TBC1D32: variants seen among roughly 807,000 people sequenced by gnomAD.
The protein encoded by TBC1D32 is TBC1 domain family member 32.
A neutral mutation model predicts 170.3 loss-of-function variants in TBC1D32; 151 were observed. That is an observed-to-expected ratio of 0.89 (90% CI 0.78 to 1.01). The LOEUF (loss-of-function observed/expected upper bound fraction) is 1.01, where lower values mean the gene tolerates loss of function less well. Ranked by LOEUF, TBC1D32 falls within the 50% of genes least tolerant of loss-of-function variation. The pLI is 0.00. For missense variants in TBC1D32, 1,464 were observed against 1,457.1 expected (o/e 1.00, Z -0.08); for synonymous variants, 498 against 488.0 (o/e 1.02, Z -0.27).
At chr6:121,260,337 T>G (rs1486334429) in intron 15 of TBC1D32, among the ~76,000 whole-genome samples, 3 of 151,928 alleles carry the variant, frequency 2.0e-5, no homozygotes, top group Non-Finnish European at 2.9e-5. Context: ...AAAAAGAACT[T>G]ACACTCAAAA....
intron 30 of TBC1D32, among the ~76,000 whole-genome samples, chr6:121,103,741 A>G (rs2128189164): frequency 6.6e-6 from 1 of 152,082 alleles, no homozygotes; most frequent in African/African-American, 2.4e-5. Context: ...ATATAACAAA[A>G]GAGTATATGG....
At chr6:121,151,652 C>G (rs10457413) in intron 24 of TBC1D32, among the ~76,000 whole-genome samples, 1 of 151,972 alleles carries the variant, frequency 6.6e-6, no homozygotes, top group Non-Finnish European at 1.5e-5. Context: ...CTTTGTAGGT[C>G]TCTAAGAACT....
chr6:121,269,704 G>C (rs1472941881), intron 15 of TBC1D32, among the ~76,000 whole-genome samples: 3 of 152,234 alleles, frequency 2.0e-5, no homozygotes, highest in East Asian at 3.9e-4. Context: ...ACAGATCAAA[G>C]AGATAGAAAG....
At chr6:121,223,730 G>A (rs9490140) in intron 20 of TBC1D32, among the ~76,000 whole-genome samples, 77,616 of 152,000 alleles carry the variant, frequency 0.51, 23,100 homozygotes, top group Non-Finnish European at 0.69. Context: ...TCTGGGGCAA[G>A]ATAATAAATT....
chr6:121,320,320 T>C (rs1482460447), intron 2 of TBC1D32, among the ~76,000 whole-genome samples: 1 of 151,860 alleles, frequency 6.6e-6, no homozygotes, highest in Non-Finnish European at 1.5e-5. Flanking sequence ...TTTAAAATCT[T>C]TGTGAGGTAA....
intron 26 of TBC1D32, among the ~76,000 whole-genome samples, chr6:121,117,214 T>C (rs982084564): frequency 6.6e-6 from 1 of 152,178 alleles, no homozygotes; most frequent in Admixed American, 6.6e-5. Context: ...AAAAAGCTTT[T>C]AAATGAGAAT....
At chr6:121,261,885 T>C (rs1295407274) in intron 15 of TBC1D32, among the ~76,000 whole-genome samples, 3 of 151,430 alleles carry the variant, frequency 2.0e-5, no homozygotes, top group Non-Finnish European at 2.9e-5. Flanking sequence ...AGAACCATGA[T>C]ACTAGGTTAC....
intron 20 of TBC1D32, among the ~76,000 whole-genome samples, chr6:121,235,372 GGC>G (rs1230295369): frequency 6.6e-6 from 1 of 152,146 alleles, no homozygotes; most frequent in African/African-American, 2.4e-5. Flanking sequence ...ACCAGGAGGG[GGC>G]AGGGAGAGGC....
chr6:121,102,556 A>C (rs1474057829), intron 30 of TBC1D32, among the ~76,000 whole-genome samples: 7 of 152,178 alleles, frequency 4.6e-5, no homozygotes, highest in Admixed American at 2.0e-4. Context: ...CTGAAACTGC[A>C]TCCCTTCCTT....
chr6:121,289,516 A>G (rs1329905274), intron 12 of TBC1D32, among the ~76,000 whole-genome samples: 1 of 152,238 alleles, frequency 6.6e-6, no homozygotes, highest in Non-Finnish European at 1.5e-5. Context: ...AACAAATGGA[A>G]GAACATTCCA....
chr6:121,108,848 C>G (rs981308400), intron 29 of TBC1D32, among the ~76,000 whole-genome samples: 4 of 152,098 alleles, frequency 2.6e-5, no homozygotes, highest in Non-Finnish European at 5.9e-5. Context: ...CAGTCTAGTC[C>G]TCCATCTTTC....
chr6:121,146,389 T>C (rs569528887), intron 24 of TBC1D32, among the ~76,000 whole-genome samples: 4 of 152,296 alleles, frequency 2.6e-5, no homozygotes, highest in African/African-American at 7.2e-5. Flanking sequence ...TCCTTCATGA[T>C]AATAATAGAA....
chr6:121,122,262 T>C (rs1034091203), intron 26 of TBC1D32, among the ~76,000 whole-genome samples: 3 of 152,060 alleles, frequency 2.0e-5, no homozygotes, highest in Admixed American at 6.6e-5. Context: ...TGTTTTTCAA[T>C]AGCCTCTTAA....
intron 20 of TBC1D32, among the ~76,000 whole-genome samples, chr6:121,230,334 T>C (rs1795581707): frequency 6.6e-6 from 1 of 152,178 alleles, no homozygotes; most frequent in Admixed American, 6.5e-5. Context: ...GAGTGCCTAC[T>C]ATATGCCAAG....
intron 17 of TBC1D32, among the ~76,000 whole-genome samples, chr6:121,243,113 T>C (rs1797194461): frequency 6.6e-6 from 1 of 151,970 alleles, no homozygotes; most frequent in African/African-American, 2.4e-5. Flanking sequence ...ATGAAAATTT[T>C]ATCCATCTAA....
At chr6:121,081,240 T>C (rs912335116) in intron 31 of TBC1D32, among the ~76,000 whole-genome samples, 1 of 152,204 alleles carries the variant, frequency 6.6e-6, no homozygotes, top group Non-Finnish European at 1.5e-5. Flanking sequence ...AAAACTTATC[T>C]ACCAAAGGAT....
intron 22 of TBC1D32, among the ~76,000 whole-genome samples, chr6:121,191,385 T>G (rs9387926): frequency 6.6e-6 from 1 of 152,028 alleles, no homozygotes; most frequent in African/African-American, 2.4e-5. Context: ...CACCCTCAAA[T>G]CTGAAGCTTT....
At chr6:121,122,149 T>G (rs1303367080) in intron 26 of TBC1D32, among the ~76,000 whole-genome samples, 1 of 151,950 alleles carries the variant, frequency 6.6e-6, no homozygotes, top group African/African-American at 2.4e-5. Context: ...ATACCCCACA[T>G]TCAATCTGTT....
intron 22 of TBC1D32, among the ~76,000 whole-genome samples, chr6:121,180,455 G>C (rs1788362933): frequency 6.6e-6 from 1 of 152,116 alleles, no homozygotes; most frequent in Non-Finnish European, 1.5e-5. Context: ...CACACTTACA[G>C]CCAACTCCTT....
Sources: gnomAD v4.1 joint callset for allele counts (sites outside exome capture counted in the v4.1 genomes callset) on GRCh38, gnomAD v4.1.1 for gene constraint, MANE v1.5 for transcripts, NCBI Gene and HGNC (gene_info 2026-07-23, HGNC 2026-07-21) for gene names.